The following GON4L variants were observed in gnomAD, a reference collection of about 807,000 sequenced individuals.
GON4L encodes GON-4-like protein.
A neutral mutation model predicts 211.8 loss-of-function variants in GON4L; 87 were observed. That is an observed-to-expected ratio of 0.41 (90% CI 0.35 to 0.49). The LOEUF is 0.49. Among genes scored for constraint, GON4L ranks in the 20% least tolerant of loss-of-function variants. The probability of loss-of-function intolerance (pLI) is 0.15; values close to 1 mark genes in which losing one functional copy is unlikely to be tolerated. For missense variants in GON4L, 2,155 were observed against 2,659.5 expected (o/e 0.81, Z 4.17); for synonymous variants, 875 against 962.6 (o/e 0.91, Z 1.68).
At position 155,818,815 on chromosome 1, in the gene GON4L, T is replaced by A. The variant is rs866411968; in HGVS notation, c.1014+1791A>T. 4.0e-5 allele frequency among the ~76,000 whole-genome samples: 6 copies of A among 150,828 alleles called. 1 individual carries two copies. In the South Asian group the frequency reaches 1.0e-3, roughly 26 times the overall value. Reference sequence around the variant, plus strand: ...CAATTGGAAACCAGCCTGGCCAACATGGTGAAACCCCATCTCTACTAAAAC... The same window carrying A: ...CAATTGGAAACCAGCCTGGCCAACAAGGTGAAACCCCATCTCTACTAAAAC... On this transcript the variant is annotated intron_variant, in intron 6 of 31. Coordinates refer to ENST00000368331, the MANE Select transcript of GON4L (RefSeq NM_001282860.2).
chr1:155,829,982 G>A (rs116016701), intron 2 of GON4L, among the ~76,000 whole-genome samples: 1,726 of 151,300 alleles, frequency 0.011, 33 homozygotes, highest in African/African-American at 0.04. Flanking sequence ...ACAGAGTCTC[G>A]CTCTGTGGGC....
chr1:155,816,037 G>A, intron 7 of GON4L, 137 bp from the exon 8 acceptor site: 1 of 715,884 alleles, frequency 1.4e-6, no homozygotes, highest in South Asian at 1.6e-5. Flanking sequence ...AATAACACGA[G>A]GCAGAGGTTA....
Position 155,772,361 on chromosome 1 carries a change from C to A in GON4L, c.2495+705G>T, listed in dbSNP as rs117582631. On this transcript the variant is annotated intron_variant, in intron 18 of 31. Transcript: ENST00000368331. ...AGGTACCCTGTCAGACAACTTAAAC[C>A]GGCACCAATACTACCCTCTAACAAC... Among the ~76,000 whole-genome samples the A allele has an allele frequency of 2.6e-4, 39 of 151,960 alleles. No individual in the cohort carries two copies. In the East Asian group the frequency reaches 7.0e-3, roughly 27 times the overall value.
At chr1:155,847,695 C>A (rs1276145128) in intron 2 of GON4L, among the ~76,000 whole-genome samples, 5 of 151,920 alleles carry the variant, frequency 3.3e-5, no homozygotes, top group Non-Finnish European at 7.4e-5. Context: ...GAGCGAGACT[C>A]CATCTCAAAA....
chr1:155,763,584 G>A lies in GON4L; in HGVS notation c.4474-20C>T. 1 of 1,527,952 alleles carries A rather than the reference G, an allele frequency of 6.5e-7. No individual in the cohort carries two copies. The highest frequency in any genetic ancestry group is 8.8e-7 in the Non-Finnish European group (1 of 1,139,484). The allele number at this position is 1,527,952 out of a possible 1,614,324, so 94.6% of individuals were successfully genotyped here. ...TGTTTCCTGTAAAACCCTCCAAAGA[G>A]TACTTATAATGGCTCTTAGTGGCTC... On this transcript the variant is annotated intron_variant, in intron 21 of 31. Coordinates refer to ENST00000368331, the MANE Select transcript of GON4L (RefSeq NM_001282860.2).
At chr1:155,818,132 T>A (rs1197648005) in intron 6 of GON4L, among the ~76,000 whole-genome samples, 2 of 151,982 alleles carry the variant, frequency 1.3e-5, no homozygotes, top group Non-Finnish European at 2.9e-5. Flanking sequence ...ATATTCTTTT[T>A]TTTTTTTAAG....
At chr1:155,764,039 A>G (rs1454525377) in intron 21 of GON4L, among the ~76,000 whole-genome samples, 1 of 151,904 alleles carries the variant, frequency 6.6e-6, no homozygotes, top group Non-Finnish European at 1.5e-5. Flanking sequence ...AAAAACACAG[A>G]AAAAACCACA....
chr1:155,770,925 CAATAGGGGAATT>C, intron 19 of GON4L, 130 bp downstream of exon 19: 1 of 1,191,102 alleles, frequency 8.4e-7, no homozygotes, highest in Non-Finnish European at 1.2e-6. Context: ...GCCCAAAAGG[CAATAGGGGAATT>C]AATCTAGTGT....
chr1:155,847,081 A>AC (rs1671317187), intron 2 of GON4L, among the ~76,000 whole-genome samples: 1 of 152,208 alleles, frequency 6.6e-6, no homozygotes, highest in Admixed American at 6.5e-5. Context: ...CTGGTAATTT[A>AC]CAAAATTGCT....
intron 27 of GON4L, 99 bp from the exon 28 acceptor site, chr1:155,754,587 T>G: frequency 1.4e-6 from 1 of 711,116 alleles, no homozygotes; most frequent in Non-Finnish European, 2.3e-6. Flanking sequence ...TGGGTTGCAG[T>G]GGCACGATGT....
chr1:155,754,856 A>G (rs571459057), intron 27 of GON4L, among the ~76,000 whole-genome samples: 1 of 150,252 alleles, frequency 6.7e-6, no homozygotes, highest in East Asian at 2.0e-4. Flanking sequence ...AGAGGAAGCT[A>G]AAGTTGTGAG....
downstream of GON4L, chr1:155,749,296 A>G: frequency 6.2e-7 from 1 of 1,611,986 alleles, no homozygotes; most frequent in South Asian, 1.1e-5. Flanking sequence ...GCTGCCACAG[A>G]CTAATGGTGG....
At chr1:155,839,650 CAAAA>C (rs76003215) in intron 2 of GON4L, among the ~76,000 whole-genome samples, 1 of 61,724 alleles carries the variant, frequency 1.6e-5, no homozygotes. Context: ...GACTCTGTCT[CAAAA>C]AAAAAAAAAA....
intron 6 of GON4L, among the ~76,000 whole-genome samples, chr1:155,818,396 G>GC (rs1429695831): frequency 1.3e-5 from 2 of 152,176 alleles, no homozygotes; most frequent in Non-Finnish European, 2.9e-5. Context: ...ACAGGCATGA[G>GC]CCACCGTGCC....
In GON4L at chr1:155,822,424, G is replaced by A. The variant is rs777570263; in HGVS notation, c.750C>T (p.Thr250=). The change falls in exon 4 of 32, where the codon ACC becomes ACT. Residue 250 remains threonine, a synonymous_variant. Coordinates refer to ENST00000368331, the MANE Select transcript of GON4L (RefSeq NM_001282860.2). ...SEKRRKKKKG[T]KRKRDGRGQE... ...GACCCCTTCCATCTCGTTTCCTCTT[G>A]GTACCCTTTTTCTTTTTTCTCCTTT... is the stretch of plus-strand genomic sequence containing the variant. 3.1e-6 allele frequency: 5 copies of A among 1,613,678 alleles called. No homozygotes were observed. Among genetic ancestry groups the A allele is most frequent in the African/African-American group, 1.3e-5 (1 of 74,928 alleles).
At chr1:155,762,719 T>G (rs1270863018) in intron 22 of GON4L, among the ~76,000 whole-genome samples, 3 of 152,098 alleles carry the variant, frequency 2.0e-5, no homozygotes, top group Non-Finnish European at 4.4e-5. Context: ...GCCCCACACA[T>G]GACAGATAAG....
chr1:155,816,274 GAA>G lies in GON4L; in HGVS notation c.1015-14_1015-13del. On this transcript the variant is annotated splice_polypyrimidine_tract_variant and intron_variant, in intron 6 of 31. Coordinates refer to ENST00000368331, the MANE Select transcript of GON4L (RefSeq NM_001282860.2). Reference sequence around the variant, plus strand: ...CATGTTGGAATTACCTACCAACAAAGAATATAAATAATTAAGTTATCTTAACT... The same window carrying G: ...CATGTTGGAATTACCTACCAACAAAGTATAAATAATTAAGTTATCTTAACT... 1 of 1,172,048 alleles carries G rather than the reference GAA, an allele frequency of 8.5e-7. No homozygotes were observed. The highest frequency in any genetic ancestry group is 1.3e-6 in the Non-Finnish European group (1 of 780,260). 72.6% of individuals were successfully genotyped at this position (1,172,048 alleles called of 1,614,324 possible).
intron 2 of GON4L, chr1:155,845,800 T>C: frequency 4.0e-6 from 1 of 253,002 alleles, no homozygotes; most frequent in Non-Finnish European, 8.0e-6. Flanking sequence ...TAGAAGTCTA[T>C]GAAGATGGAA....
At chr1:155,821,412 C>G in intron 5 of GON4L, 62 bp downstream of exon 5, 1 of 1,039,548 alleles carries the variant, frequency 9.6e-7, no homozygotes. Flanking sequence ...ACCTCCTACC[C>G]TTAGCCAGTT....
Sources: gnomAD v4.1 joint callset for allele counts (sites outside exome capture counted in the v4.1 genomes callset) on GRCh38, gnomAD v4.1.1 for gene constraint, MANE v1.5 for transcripts, NCBI Gene and HGNC (gene_info 2026-07-23, HGNC 2026-07-21) for gene names.